The following UQCC5 variants were observed in gnomAD, a reference collection of about 807,000 sequenced individuals.
The protein encoded by UQCC5 is ubiquinol-cytochrome c reductase complex assembly factor 5.
At chr3:52,540,565 T>A in the UQCC5 span, 3 of 1,025,208 alleles carry the variant, frequency 2.9e-6, no homozygotes, top group Non-Finnish European at 4.2e-6. Flanking sequence ...ACTTTTCAGA[T>A]CTCTTGTTCT....
chr3:52,538,105 C>A, the UQCC5 span, among the ~76,000 whole-genome samples: 3 of 152,116 alleles, frequency 2.0e-5, no homozygotes, highest in Non-Finnish European at 4.4e-5. Flanking sequence ...GGAACAGTTA[C>A]GCTGTATGGC....
At chr3:52,536,887 C>T in the UQCC5 span, 1 of 1,551,568 alleles carries the variant, frequency 6.4e-7, no homozygotes, top group South Asian at 1.2e-5. Context: ...TTAAAGTGCG[C>T]GTGGGCCAGG....
chr3:52,541,002 T>C, the UQCC5 span: 1 of 152,590 alleles, frequency 6.6e-6, no homozygotes, highest in Non-Finnish European at 1.5e-5. Context: ...TTTCTCATGC[T>C]AGTGTTCTTG....
At chr3:52,540,293 G>T in the UQCC5 span, 1 of 643,914 alleles carries the variant, frequency 1.6e-6, no homozygotes, top group Non-Finnish European at 2.6e-6. Context: ...AGTTTATTTT[G>T]GCATTGAGTT....
the UQCC5 span, chr3:52,540,440 A>G: frequency 6.5e-7 from 1 of 1,530,660 alleles, no homozygotes; most frequent in Non-Finnish European, 8.8e-7. Flanking sequence ...TCTACCGTAG[A>G]AAAGCCTCAG....
At chr3:52,536,716 CTTA>C in the UQCC5 span, 2 of 1,550,702 alleles carry the variant, frequency 1.3e-6, no homozygotes, top group African/African-American at 2.7e-5. Context: ...CGATCCAGTG[CTTA>C]GTTCCGTCAT....
At chr3:52,540,320 A>T in the UQCC5 span, 19 of 816,680 alleles carry the variant, frequency 2.3e-5, no homozygotes, top group South Asian at 3.4e-4. Context: ...TAATGCCAAG[A>T]TTCAGAAGTA....
At chr3:52,538,184 A>G in the UQCC5 span, among the ~76,000 whole-genome samples, 2 of 152,184 alleles carry the variant, frequency 1.3e-5, no homozygotes, top group Admixed American at 6.5e-5. Flanking sequence ...GATGGAAGTA[A>G]AAGACAGCCC....
At chr3:52,536,634 G>T in the UQCC5 span, 1 of 1,481,042 alleles carries the variant, frequency 6.8e-7, no homozygotes, top group African/African-American at 1.4e-5. Context: ...AGTGGCGGAG[G>T]ACGGCGCTCG....
chr3:52,539,580 G>C, the UQCC5 span, among the ~76,000 whole-genome samples: 62 of 152,222 alleles, frequency 4.1e-4, no homozygotes, highest in African/African-American at 1.5e-3. Context: ...GCATGATGGA[G>C]AGCAGGTGCC....
the UQCC5 span, chr3:52,537,021 G>A: frequency 1.4e-6 from 2 of 1,391,794 alleles, no homozygotes; most frequent in East Asian, 2.5e-5. Flanking sequence ...TCAGAGCGCT[G>A]GGCGAGTGCA....
At chr3:52,539,271 G>A in the UQCC5 span, among the ~76,000 whole-genome samples, 1 of 152,186 alleles carries the variant, frequency 6.6e-6, no homozygotes, top group Non-Finnish European at 1.5e-5. Flanking sequence ...ATTGACAAGA[G>A]TATGAAGGAA....
At chr3:52,540,218 C>A in the UQCC5 span, among the ~76,000 whole-genome samples, 1 of 152,352 alleles carries the variant, frequency 6.6e-6, no homozygotes, top group African/African-American at 2.4e-5. Flanking sequence ...AAGACACTGA[C>A]TTTTACCCTA....
chr3:52,540,550 AAT>A, the UQCC5 span: 4 of 1,176,714 alleles, frequency 3.4e-6, no homozygotes, highest in Non-Finnish European at 4.8e-6. Flanking sequence ...TGCCTTTTAA[AAT>A]ATACTTTTCA....
the UQCC5 span, chr3:52,541,094 T>G: frequency 1.3e-5 from 2 of 152,364 alleles, no homozygotes; most frequent in Non-Finnish European, 2.9e-5. Context: ...GGCAACAGGT[T>G]TCACACTACT....
chr3:52,539,757 G>A, the UQCC5 span, among the ~76,000 whole-genome samples: 1 of 151,576 alleles, frequency 6.6e-6, no homozygotes, highest in African/African-American at 2.4e-5. Flanking sequence ...TCCTGCCTAA[G>A]CCTCCTGAGT....
the UQCC5 span, chr3:52,541,335 A>T: frequency 6.6e-6 from 1 of 152,334 alleles, no homozygotes; most frequent in Admixed American, 6.5e-5. Flanking sequence ...AGCAAAAAAA[A>T]ATCTACATAC....
chr3:52,540,532 G>A, the UQCC5 span: 3 of 1,329,572 alleles, frequency 2.3e-6, no homozygotes, highest in Non-Finnish European at 3.1e-6. Context: ...TTTTACTATT[G>A]GTTTCAGTGC....
the UQCC5 span, chr3:52,536,919 G>A: frequency 1.3e-6 from 2 of 1,551,410 alleles, no homozygotes; most frequent in Non-Finnish European, 1.7e-6. Context: ...AAGTGAGGGG[G>A]TAGCAGTCTC....
Sources: allele counts gnomAD v4.1 joint callset (sites outside exome capture counted in the v4.1 genomes callset), GRCh38; gene constraint gnomAD v4.1.1; transcripts MANE v1.5; gene names NCBI Gene and HGNC (gene_info 2026-07-23, HGNC 2026-07-21).